Variants in EMSY observed in about 807,000 individuals in gnomAD.
The protein encoded by EMSY is BRCA2-interacting transcriptional repressor EMSY.
EMSY carries 26 observed loss-of-function variants against 134.6 expected under a neutral mutation model. That is an observed-to-expected ratio of 0.19 (90% confidence interval 0.14 to 0.27). The LOEUF is 0.27. EMSY is among the 10% of genes least tolerant of loss of function. The pLI, the probability that EMSY is intolerant of heterozygous loss-of-function variation, is 1.00. For missense variants in EMSY, 1,305 were observed against 1,611.4 expected, an observed-to-expected ratio of 0.81 and a Z score of 3.26; for synonymous variants, 579 against 577.8, an observed-to-expected ratio of 1.00 and a Z score of -0.03.
chr11:76,483,273 A>C (rs968810353), intron 8 of EMSY, among the ~76,000 whole-genome samples: 9 of 152,284 alleles, frequency 5.9e-5, no homozygotes, highest in Middle Eastern at 3.4e-3. Flanking sequence ...TGGAAAGGAA[A>C]AACCAGTACC....
rs774758872 is a variant in EMSY, at chr11:76,496,197, CT to C, written c.1109-16del. ...GCTTTCCTATCAAATTCTCTTTTCC[CT>C]TACTCCTTTTCTACAGGTGTATCTA... On this transcript the variant is annotated splice_polypyrimidine_tract_variant and intron_variant, in intron 8 of 20. Transcript: ENST00000334736. 1.9e-5 allele frequency: 31 copies of C among 1,595,352 alleles called. No homozygotes were observed. The highest frequency in any genetic ancestry group is 2.6e-5 in the Non-Finnish European group (30 of 1,169,598).
intron 1 of EMSY, 124 bp from the exon 2 acceptor site, chr11:76,446,776 G>A: frequency 1.7e-6 from 1 of 579,188 alleles, no homozygotes; most frequent in Non-Finnish European, 3.0e-6. Context: ...TGGTGAGAAA[G>A]GATTGTAAAA....
intron 8 of EMSY, 136 bp downstream of exon 9, chr11:76,472,976 A>T: frequency 1.2e-6 from 1 of 830,418 alleles, no homozygotes; most frequent in Non-Finnish European, 1.8e-6. Flanking sequence ...CGTGTACCCC[A>T]GTTTGAGAAT....
intron 7 of EMSY, among the ~76,000 whole-genome samples, chr11:76,464,650 C>T (rs1187132905): frequency 1.3e-5 from 2 of 152,204 alleles, no homozygotes; most frequent in Non-Finnish European, 2.9e-5. Flanking sequence ...CATAATGGCT[C>T]TCTAGGCTTG....
chr11:76,490,605 C>T (rs1384827182), intron 8 of EMSY, among the ~76,000 whole-genome samples: 1 of 152,140 alleles, frequency 6.6e-6, no homozygotes, highest in Non-Finnish European at 1.5e-5. Flanking sequence ...GGTTGTCATA[C>T]ACTTTAATTC....
intron 9 of EMSY, among the ~76,000 whole-genome samples, chr11:76,499,530 G>T (rs555627139): frequency 6.6e-6 from 1 of 151,672 alleles, no homozygotes; most frequent in African/African-American, 2.4e-5. Flanking sequence ...CTCGTGATCC[G>T]CCCTCCTCCA....
At chr11:76,449,209 T>A (rs1397562405) in intron 2 of EMSY, among the ~76,000 whole-genome samples, 2 of 152,132 alleles carry the variant, frequency 1.3e-5, no homozygotes, top group Non-Finnish European at 2.9e-5. Flanking sequence ...TCAACTAAAT[T>A]TGAGGTATGT....
chr11:76,519,829 A>T lies in EMSY; in HGVS notation c.1685-3326A>T, dbSNP rs1187539631. The stretch of plus-strand genomic sequence containing the variant: ...CATAGTTCATTATTATCTAAATGGG[A>T]TATACAGTTATTTGCACCCATTATA... On this transcript the variant is annotated intron_variant, in intron 11 of 20. Transcript: ENST00000334736. 2.0e-5 allele frequency among the ~76,000 whole-genome samples: 3 copies of T among 152,198 alleles called. No individual in the cohort carries two copies. The East Asian group carries it at 5.8e-4, about 29-fold the overall frequency.
rs547073038 is a variant in EMSY, at chr11:76,463,579, C to T, written c.572-242C>T. Among the ~76,000 whole-genome samples, 382 of 146,040 alleles carry T rather than the reference C, an allele frequency of 2.6e-3. 4 individuals carry two copies. Among genetic ancestry groups the T allele is most frequent in the Middle Eastern group, 0.015 (4 of 270 alleles). ...CGGAGCTTGCGGTGAGCCGAGATTG[C>T]GCCACTGCAGTCCGCAGTCCGGCCT... On this transcript the variant is annotated intron_variant, in intron 6 of 20. Coordinates refer to ENST00000334736, the Ensembl canonical transcript of EMSY.
chr11:76,486,558 C>G (rs1949191685), intron 8 of EMSY, among the ~76,000 whole-genome samples: 1 of 151,912 alleles, frequency 6.6e-6, no homozygotes, highest in African/African-American at 2.4e-5. Flanking sequence ...TCTGGCACAA[C>G]CTCTGGCCTG....
intron 6 of EMSY, among the ~76,000 whole-genome samples, chr11:76,462,180 G>C (rs563867167): frequency 6.6e-6 from 1 of 151,252 alleles, no homozygotes; most frequent in African/African-American, 2.4e-5. Flanking sequence ...CGGAGGTTGT[G>C]GTGAGCTGAG....
At chr11:76,525,905 T>C (rs1950828597) in intron 12 of EMSY, among the ~76,000 whole-genome samples, 2 of 152,166 alleles carry the variant, frequency 1.3e-5, no homozygotes, top group African/African-American at 4.8e-5. Context: ...CTGCTGATTT[T>C]GCTTGCCCAT....
chr11:76,454,608 T>C (rs1947798095), intron 4 of EMSY, 141 bp from the exon 5 acceptor site: 2 of 517,128 alleles, frequency 3.9e-6, no homozygotes. Context: ...TAGCTTGCAT[T>C]CAGAGGCACT....
chr11:76,537,653 C>T (rs1951274481), intron 15 of EMSY, 142 bp from the exon 17 acceptor site: 1 of 691,208 alleles, frequency 1.4e-6, no homozygotes, highest in East Asian at 2.9e-5. Context: ...TAGCAATCTG[C>T]TTTTTTCTTT....
intron 7 of EMSY, among the ~76,000 whole-genome samples, chr11:76,471,144 A>T (rs188922230): frequency 6.6e-6 from 1 of 152,212 alleles, no homozygotes; most frequent in African/African-American, 2.4e-5. Flanking sequence ...GAGCTTCTTA[A>T]TTTGTCTCCC....
At chr11:76,482,168 G>C (rs1949008767) in intron 8 of EMSY, among the ~76,000 whole-genome samples, 1 of 152,154 alleles carries the variant, frequency 6.6e-6, no homozygotes, top group South Asian at 2.1e-4. Context: ...CTGAGTGTTA[G>C]AAGGAAAACT....
At chr11:76,492,823 T>G (rs900475900) in intron 8 of EMSY, among the ~76,000 whole-genome samples, 1 of 152,058 alleles carries the variant, frequency 6.6e-6, no homozygotes, top group African/African-American at 2.4e-5. Flanking sequence ...CTTCCATGAG[T>G]GTGAGCTACC....
chr11:76,502,589 A>G (rs1474176619), intron 9 of EMSY, among the ~76,000 whole-genome samples: 1 of 151,896 alleles, frequency 6.6e-6, no homozygotes. Flanking sequence ...TATTAGAACT[A>G]ATAAATGAGA....
At chr11:76,449,626 C>T (rs185310597) in intron 2 of EMSY, among the ~76,000 whole-genome samples, 584 of 152,200 alleles carry the variant, frequency 3.8e-3, no homozygotes, top group Admixed American at 6.1e-3. Flanking sequence ...AATCTGACTG[C>T]CTTCTGTCAT....
Sources: allele counts gnomAD v4.1 joint callset (sites outside exome capture counted in the v4.1 genomes callset), GRCh38; gene constraint gnomAD v4.1.1; transcripts MANE v1.5; gene names NCBI Gene and HGNC (gene_info 2026-07-23, HGNC 2026-07-21).